Variants in TP63 observed in about 807,000 individuals in gnomAD.
The protein encoded by TP63 is tumor protein p63, also known as tumor protein 63.
TP63 carries 17 observed loss-of-function variants against 82.8 expected under a neutral mutation model. That is an observed-to-expected ratio of 0.21 (90% CI 0.14 to 0.31). The LOEUF is 0.31. TP63 is among the 10% of genes least tolerant of loss of function. The pLI is 1.00. For synonymous variants in TP63, 330 were observed against 321.7 expected (o/e 1.03, Z -0.28); for missense variants, 648 against 895.3 (o/e 0.72, Z 3.52).
At chr3:189,645,101 T>G (rs898631228) in intron 1 of TP63, among the ~76,000 whole-genome samples, 4 of 152,176 alleles carry the variant, frequency 2.6e-5, no homozygotes, top group African/African-American at 9.6e-5. Flanking sequence ...AACCTATTCA[T>G]ATTTAGGGAT....
At chr3:189,813,972 G>A (rs868316771) in intron 4 of TP63, among the ~76,000 whole-genome samples, 4 of 152,266 alleles carry the variant, frequency 2.6e-5, no homozygotes, top group African/African-American at 4.8e-5. Flanking sequence ...TCAGAGCTGT[G>A]GAGAATTTGA....
intron 4 of TP63, among the ~76,000 whole-genome samples, chr3:189,810,993 A>G (rs1727499222): frequency 6.6e-6 from 1 of 152,238 alleles, no homozygotes; most frequent in African/African-American, 2.4e-5. Flanking sequence ...TAGGTTTAAA[A>G]GAAAAGAAAA....
intron 2 of TP63, 145 bp downstream of exon 2, chr3:189,738,013 G>C (rs758742913): frequency 1.9e-5 from 19 of 994,644 alleles, no homozygotes; most frequent in Non-Finnish European, 2.4e-5. Flanking sequence ...CCATCTCTTT[G>C]TTCAAATTCA....
At chr3:189,662,909 A>G (rs779031226) in intron 1 of TP63, among the ~76,000 whole-genome samples, 15 of 152,222 alleles carry the variant, frequency 9.9e-5, no homozygotes, top group Non-Finnish European at 1.8e-4. Flanking sequence ...TTTATATAAG[A>G]TTAAGAGAGT....
At chr3:189,690,912 A>G (rs1273547460) in intron 1 of TP63, among the ~76,000 whole-genome samples, 1 of 152,182 alleles carries the variant, frequency 6.6e-6, no homozygotes, top group African/African-American at 2.4e-5. Flanking sequence ...CCTGAACCCA[A>G]TGTGTTACAT....
intron 3 of TP63, among the ~76,000 whole-genome samples, chr3:189,785,647 G>A (rs1219798155): frequency 1.3e-5 from 2 of 152,022 alleles, no homozygotes; most frequent in African/African-American, 2.4e-5. Flanking sequence ...GCCAGCTGGG[G>A]TCCACATTTG....
chr3:189,662,932 T>C (rs564655735), intron 1 of TP63, among the ~76,000 whole-genome samples: 1 of 152,252 alleles, frequency 6.6e-6, no homozygotes, highest in South Asian at 2.1e-4. Context: ...TTCTGGGACT[T>C]ATTTTTGTTT....
the TP63 span, among the ~76,000 whole-genome samples, chr3:189,604,125 A>G: frequency 2.0e-5 from 3 of 152,188 alleles, no homozygotes; most frequent in Non-Finnish European, 4.4e-5. Flanking sequence ...AAGTCAGACA[A>G]TTCTGAGCCT....
chr3:189,751,167 G>T (rs183447471), intron 3 of TP63, among the ~76,000 whole-genome samples: 2 of 152,306 alleles, frequency 1.3e-5, no homozygotes, highest in African/African-American at 4.8e-5. Context: ...TTTTATGGCT[G>T]CATAGTATTC....
Position 189,889,556 on chromosome 3 carries a change from T to C in TP63, c.1652+72T>C, listed in dbSNP as rs1720808284. On this transcript the variant is annotated intron_variant, in intron 12 of 13. Coordinates refer to ENST00000264731, the MANE Select transcript of TP63 (RefSeq NM_003722.5). ...GGATGGTGGAGGGCGGATACTGTTA[T>C]AGTCCATAAAACAGTTGGAAGGGAA... 6.2e-6 allele frequency: 10 copies of C among 1,602,442 alleles called. No individual in the cohort carries two copies. In the South Asian group the frequency reaches 7.7e-5, roughly 12 times the overall value.
At chr3:189,662,456 T>A (rs74543052) in intron 1 of TP63, among the ~76,000 whole-genome samples, 274 of 152,100 alleles carry the variant, frequency 1.8e-3, no homozygotes, top group Admixed American at 3.6e-3. Context: ...CAGTTTTTTT[T>A]AATTTATTGA....
At chr3:189,827,466 T>TGGG (rs1711592377) in intron 4 of TP63, among the ~76,000 whole-genome samples, 1 of 152,232 alleles carries the variant, frequency 6.6e-6, no homozygotes, top group East Asian at 1.9e-4. Flanking sequence ...ACAAATATTT[T>TGGG]TCAGGTAATA....
intron 10 of TP63, chr3:189,880,900 T>C (rs1342376531): frequency 1.0e-6 from 1 of 985,294 alleles, no homozygotes; most frequent in African/African-American, 1.7e-5. Context: ...GCTAAAGTTT[T>C]TCTTGTACAT....
chr3:189,798,223 C>T (rs1015571066), intron 3 of TP63, among the ~76,000 whole-genome samples: 2 of 151,968 alleles, frequency 1.3e-5, no homozygotes, highest in Non-Finnish European at 2.9e-5. Context: ...GACTTGTGCA[C>T]AAAAATAAAT....
intron 4 of TP63, among the ~76,000 whole-genome samples, chr3:189,816,794 A>G (rs13075375): frequency 0.6 from 91,403 of 151,990 alleles, 27,884 homozygotes; most frequent in Admixed American, 0.72. Flanking sequence ...CGTAAAGGTA[A>G]TGATCTTAGT....
chr3:189,880,905 G>C (rs1367267151), intron 10 of TP63: 2 of 985,186 alleles, frequency 2.0e-6, no homozygotes, highest in East Asian at 2.3e-4. Flanking sequence ...AGTTTTTCTT[G>C]TACATGAAAC....
At chr3:189,779,472 G>T (rs1724061039) in intron 3 of TP63, among the ~76,000 whole-genome samples, 1 of 152,130 alleles carries the variant, frequency 6.6e-6, no homozygotes. Flanking sequence ...CCAACATGTA[G>T]GGAAAAAAGC....
intron 4 of TP63, among the ~76,000 whole-genome samples, chr3:189,837,092 C>G (rs906267310): frequency 9.9e-5 from 15 of 152,176 alleles, no homozygotes; most frequent in African/African-American, 3.6e-4. Flanking sequence ...ACGATGCTTC[C>G]AAATATATAC....
intron 4 of TP63, among the ~76,000 whole-genome samples, chr3:189,824,362 A>G (rs974491322): frequency 6.6e-6 from 1 of 151,768 alleles, no homozygotes; most frequent in African/African-American, 2.4e-5. Flanking sequence ...CCTCCCCAGT[A>G]GCTAGGACTA....
Sources: allele counts gnomAD v4.1 joint callset (sites outside exome capture counted in the v4.1 genomes callset), GRCh38; gene constraint gnomAD v4.1.1; transcripts MANE v1.5; gene names NCBI Gene and HGNC (gene_info 2026-07-23, HGNC 2026-07-21).